Variants in GANC observed in about 807,000 individuals in gnomAD.
The protein encoded by GANC is neutral alpha-glucosidase C.
GANC carries 117 observed loss-of-function variants against 124.2 expected under a neutral mutation model. The observed-to-expected ratio is 0.94, with a 90% CI of 0.81 to 1.10. The LOEUF is 1.10. GANC is among the 50% of genes least tolerant of loss of function. GANC has a pLI of 0.00. For missense variants in GANC, 1,140 were observed against 1,095.0 expected (o/e 1.04, Z -0.58); for synonymous variants, 377 against 376.8 (o/e 1.00, Z -0.01).
chr15:42,327,669 A>C (rs894180380), intron 13 of GANC, among the ~76,000 whole-genome samples: 5 of 152,002 alleles, frequency 3.3e-5, no homozygotes, highest in Non-Finnish European at 5.9e-5. Flanking sequence ...ATTATAATAG[A>C]CTCTATGATA....
intron 18 of GANC, among the ~76,000 whole-genome samples, chr15:42,342,249 G>C (rs1185343992): frequency 6.6e-6 from 1 of 152,118 alleles, no homozygotes; most frequent in Non-Finnish European, 1.5e-5. Flanking sequence ...CATACGTGTT[G>C]TGCCAAAGTC....
intron 3 of GANC, among the ~76,000 whole-genome samples, chr15:42,279,839 G>A (rs1456435732): frequency 6.6e-6 from 1 of 152,124 alleles, no homozygotes; most frequent in East Asian, 1.9e-4. Context: ...GCAAAGCTGT[G>A]AACTATGTGA....
At chr15:42,277,988 G>A (rs1335448448) in intron 2 of GANC, 5 of 330,600 alleles carry the variant, frequency 1.5e-5, no homozygotes, top group Admixed American at 1.3e-4. Flanking sequence ...GTATTATACA[G>A]TATAGCTTTC....
chr15:42,288,728 T>C (rs940294525), intron 4 of GANC, among the ~76,000 whole-genome samples: 31 of 152,320 alleles, frequency 2.0e-4, no homozygotes, highest in African/African-American at 7.2e-4. Flanking sequence ...CTTGCTGTGT[T>C]ACCCCAGCTG....
At chr15:42,341,118 A>G (rs889701110) in intron 18 of GANC, among the ~76,000 whole-genome samples, 2 of 135,168 alleles carry the variant, frequency 1.5e-5, no homozygotes, top group African/African-American at 2.9e-5. Context: ...CGTTTTTATT[A>G]TATTTTCTAA....
chr15:42,346,773 G>T (rs917015134), intron 20 of GANC, among the ~76,000 whole-genome samples: 10 of 152,208 alleles, frequency 6.6e-5, no homozygotes, highest in Middle Eastern at 3.4e-3. Context: ...CATCAGTTAT[G>T]ATGTTAAAAT....
chr15:42,287,805 C>G lies in GANC; in HGVS notation c.316C>G (p.Pro106Ala). Reference protein sequence around the residue: ...FEVPDVLTSKPSTVRLISCSG... With the variant: ...FEVPDVLTSKASTVRLISCSG... ...AGTTCCGGATGTCCTCACAAGCAAGCCAAGCACTGTAAGGTAAGCCAAGGA... is the reference window on the plus strand; with the variant it reads ...AGTTCCGGATGTCCTCACAAGCAAGGCAAGCACTGTAAGGTAAGCCAAGGA... Residue 106 changes from proline to alanine, a missense_variant, in exon 4 of 24, where the codon CCA becomes GCA. Physicochemically the swap from Pro to Ala is conservative, Grantham distance 27. Transcript: ENST00000318010. The G allele has an allele frequency of 6.2e-7, 1 of 1,612,620 alleles. No homozygotes were observed. Among genetic ancestry groups the G allele is most frequent in the South Asian group, 1.1e-5 (1 of 90,950 alleles).
At chr15:42,281,106 G>C (rs1323141660) in intron 3 of GANC, 1 of 702,402 alleles carries the variant, frequency 1.4e-6, no homozygotes, top group Non-Finnish European at 2.6e-6. Flanking sequence ...GAACTTTGAG[G>C]ACCTCTTGGA....
At chr15:42,336,644 A>T (rs1470779720) in intron 15 of GANC, among the ~76,000 whole-genome samples, 1 of 152,254 alleles carries the variant, frequency 6.6e-6, no homozygotes, top group Non-Finnish European at 1.5e-5. Flanking sequence ...GGATCTAATT[A>T]AACTAAACAG....
intron 15 of GANC, among the ~76,000 whole-genome samples, chr15:42,331,248 T>C (rs1392730315): frequency 1.3e-5 from 2 of 152,216 alleles, no homozygotes; most frequent in Non-Finnish European, 2.9e-5. Flanking sequence ...ACTTCGTTGT[T>C]GGGAGAGTAA....
At chr15:42,321,713 C>T in intron 10 of GANC, 72 bp from the exon 11 acceptor site, 1 of 1,277,416 alleles carries the variant, frequency 7.8e-7, no homozygotes, top group East Asian at 2.3e-5. Flanking sequence ...TGTAGACATT[C>T]AGGAAATGTT....
intron 4 of GANC, among the ~76,000 whole-genome samples, chr15:42,290,508 C>A (rs775483913): frequency 2.6e-5 from 4 of 152,172 alleles, no homozygotes; most frequent in Non-Finnish European, 4.4e-5. Context: ...ACGTAGGACT[C>A]CTCAAAATTG....
intron 14 of GANC, among the ~76,000 whole-genome samples, chr15:42,330,327 A>G (rs1377389900): frequency 5.3e-5 from 8 of 152,246 alleles, no homozygotes; most frequent in Non-Finnish European, 1.5e-5. Context: ...AGTAAGCACC[A>G]AAGAAATGCT....
rs142337004 is a variant in GANC at position 42,308,308 on chromosome 15, A to C, written c.712A>C (p.Lys238Gln). 1.4e-4 allele frequency: 225 copies of C among 1,599,690 alleles called. No homozygotes were observed. The African/African-American group carries it at 2.9e-3, about 21-fold the overall frequency. Residue 238 changes from lysine (K) to glutamine (Q), a missense_variant, in exon 8 of 24, where the codon AAA (lysine) becomes CAA (glutamine). Transcript: ENST00000318010. Reference protein sequence around the residue: ...IPQHAESHQLKNTGDGDAYRL... With the variant: ...IPQHAESHQLQNTGDGDAYRL... ...ACAACATGCAGAATCACACCAACTT[A>C]AAAATACTGGGTAAGTGAAAACAAG...
At chr15:42,280,559 T>A (rs868153153) in intron 3 of GANC, among the ~76,000 whole-genome samples, 1 of 151,796 alleles carries the variant, frequency 6.6e-6, no homozygotes, top group Non-Finnish European at 1.5e-5. Flanking sequence ...CTTCCAGGAG[T>A]CTTTAGGCCT....
intron 10 of GANC, among the ~76,000 whole-genome samples, chr15:42,320,535 A>T (rs900597522): frequency 2.0e-5 from 3 of 151,838 alleles, no homozygotes; most frequent in African/African-American, 7.3e-5. Context: ...TGCAACCTCC[A>T]CCTCCTGGGT....
chr15:42,303,924 T>C (rs886234637), intron 6 of GANC, among the ~76,000 whole-genome samples: 14 of 152,078 alleles, frequency 9.2e-5, no homozygotes, highest in African/African-American at 3.4e-4. Flanking sequence ...TAACACCCCA[T>C]TGTCAATATT....
intron 11 of GANC, 64 bp from the exon 12 acceptor site, chr15:42,326,234 C>A: frequency 8.5e-7 from 1 of 1,181,216 alleles, no homozygotes. Context: ...ATGGCGAAAA[C>A]ATATACGTGA....
intron 12 of GANC, 85 bp from the exon 13 acceptor site, chr15:42,327,278 T>C: frequency 1.0e-6 from 1 of 1,001,512 alleles, no homozygotes. Context: ...ATTTCCCAGC[T>C]CTCACATCTG....
Sources: gnomAD v4.1 joint callset for allele counts (sites outside exome capture counted in the v4.1 genomes callset) on GRCh38, gnomAD v4.1.1 for gene constraint, MANE v1.5 for transcripts, NCBI Gene and HGNC (gene_info 2026-07-23, HGNC 2026-07-21) for gene names.